Variants in LRRC4C observed in about 807,000 individuals in gnomAD.
The protein encoded by LRRC4C is leucine rich repeat containing 4C.
LRRC4C carries 5 observed loss-of-function variants against 33.6 expected under a neutral mutation model. That is an observed-to-expected ratio of 0.15 (90% CI 0.08 to 0.31). The LOEUF is 0.31. LRRC4C is among the 10% of genes least tolerant of loss of function. LRRC4C has a pLI of 1.00. For missense variants in LRRC4C, 560 were observed against 796.7 expected (o/e 0.70, Z 3.58); for synonymous variants, 329 against 302.0 (o/e 1.09, Z -0.93).
intron 2 of LRRC4C, among the ~76,000 whole-genome samples, chr11:40,714,110 C>T (rs1284120120): frequency 6.6e-6 from 1 of 152,068 alleles, no homozygotes; most frequent in Non-Finnish European, 1.5e-5. Context: ...AACAGCCAGC[C>T]CCACCTTGCC....
chr11:41,086,254 A>G lies in LRRC4C; in HGVS notation c.-495-152531T>C, dbSNP rs570818037. Among the ~76,000 whole-genome samples the G allele has an allele frequency of 9.9e-5, 15 of 152,268 alleles. No individual in the cohort carries two copies. In the South Asian group the frequency reaches 2.7e-3, roughly 27 times the overall value. On this transcript the variant is annotated intron_variant, in intron 1 of 6. Coordinates refer to ENST00000528697, the MANE Select transcript of LRRC4C (RefSeq NM_001258419.2). Reference sequence around the variant, plus strand: ...CATTATTTAAGTAAAAATCAAGGCTATTTGCTTGGGCTGAAATTATATCAC... The same window carrying G: ...CATTATTTAAGTAAAAATCAAGGCTGTTTGCTTGGGCTGAAATTATATCAC...
chr11:40,844,889 T>C (rs1953085281), intron 2 of LRRC4C, among the ~76,000 whole-genome samples: 1 of 152,180 alleles, frequency 6.6e-6, no homozygotes, highest in African/African-American at 2.4e-5. Context: ...TGATAATGTA[T>C]GTGTTAATTA....
chr11:40,955,996 A>G (rs1958938126), intron 1 of LRRC4C, among the ~76,000 whole-genome samples: 1 of 151,814 alleles, frequency 6.6e-6, no homozygotes. Context: ...TCAAGGTCAT[A>G]TTGACAGAGC....
intron 3 of LRRC4C, among the ~76,000 whole-genome samples, chr11:40,383,939 A>G (rs1949001457): frequency 6.8e-6 from 1 of 147,894 alleles, no homozygotes; most frequent in African/African-American, 2.5e-5. Context: ...TATTATTATT[A>G]TTATTATTAT....
chr11:40,413,296 G>A (rs565512248), intron 3 of LRRC4C, among the ~76,000 whole-genome samples: 1 of 152,108 alleles, frequency 6.6e-6, no homozygotes, highest in Admixed American at 6.6e-5. Context: ...GGCAATCAAA[G>A]GAAAGAGGAG....
chr11:40,783,832 G>A (rs1333487259), intron 2 of LRRC4C, among the ~76,000 whole-genome samples: 5 of 152,104 alleles, frequency 3.3e-5, no homozygotes, highest in African/African-American at 9.7e-5. Flanking sequence ...GATTTCATGT[G>A]CCTTGTAAAT....
At chr11:40,290,814 G>C (rs766925019) in intron 4 of LRRC4C, among the ~76,000 whole-genome samples, 17 of 152,120 alleles carry the variant, frequency 1.1e-4, no homozygotes, top group Non-Finnish European at 2.1e-4. Context: ...GAGAGAAAAT[G>C]AATGTTGGAG....
intron 1 of LRRC4C, among the ~76,000 whole-genome samples, chr11:41,198,149 G>A (rs1946259507): frequency 6.6e-6 from 1 of 151,846 alleles, no homozygotes; most frequent in Non-Finnish European, 1.5e-5. Context: ...TTTTTGCTAT[G>A]GATAAATCTA....
intron 1 of LRRC4C, among the ~76,000 whole-genome samples, chr11:41,319,653 C>A (rs1950897357): frequency 1.3e-5 from 2 of 152,148 alleles, no homozygotes; most frequent in African/African-American, 2.4e-5. Context: ...AGCAATCCTC[C>A]CACCTCCCAG....
intron 1 of LRRC4C, among the ~76,000 whole-genome samples, chr11:41,403,331 T>TGCAGAGGTAG (rs1233709506): frequency 6.6e-6 from 1 of 152,038 alleles, no homozygotes; most frequent in Non-Finnish European, 1.5e-5. Context: ...AACAAAAGCC[T>TGCAGAGGTAG]ACAGAGGTAG....
chr11:41,068,799 G>A (rs183810112), intron 1 of LRRC4C, among the ~76,000 whole-genome samples: 82 of 152,044 alleles, frequency 5.4e-4, no homozygotes, highest in African/African-American at 1.8e-3. Flanking sequence ...CAAAAAAAAT[G>A]CCCAGAACCA....
chr11:40,596,456 T>C (rs1005730877), intron 3 of LRRC4C, among the ~76,000 whole-genome samples: 3 of 140,868 alleles, frequency 2.1e-5, no homozygotes, highest in African/African-American at 8.1e-5. Context: ...TTTCAGGAAA[T>C]TTCTAATTCT....
At chr11:41,058,831 G>T (rs1858836026) in intron 1 of LRRC4C, among the ~76,000 whole-genome samples, 1 of 152,112 alleles carries the variant, frequency 6.6e-6, no homozygotes, top group Non-Finnish European at 1.5e-5. Flanking sequence ...TGGTAGACTG[G>T]ATAAAGAAAA....
intron 4 of LRRC4C, among the ~76,000 whole-genome samples, chr11:40,267,792 T>C (rs1418136850): frequency 6.6e-6 from 1 of 152,202 alleles, no homozygotes; most frequent in Non-Finnish European, 1.5e-5. Context: ...AGTGGGCCTG[T>C]AAGCTGAAAA....
chr11:40,770,339 T>A (rs1370164454), intron 2 of LRRC4C, among the ~76,000 whole-genome samples: 2 of 152,162 alleles, frequency 1.3e-5, no homozygotes, highest in Admixed American at 1.3e-4. Context: ...GAGAACTCAC[T>A]ATTGTAATAA....
intron 4 of LRRC4C, among the ~76,000 whole-genome samples, chr11:40,260,419 G>A (rs1187843704): frequency 2.1e-5 from 3 of 143,020 alleles, no homozygotes; most frequent in Non-Finnish European, 4.6e-5. Flanking sequence ...TAGGGGGAGG[G>A]GGGAGGGATA....
intron 5 of LRRC4C, among the ~76,000 whole-genome samples, 168 bp downstream of exon 5, chr11:40,241,351 C>T (rs1393146344): frequency 6.6e-6 from 1 of 152,110 alleles, no homozygotes. Flanking sequence ...CACTGCACTT[C>T]AGCCTTGGCA....
intron 1 of LRRC4C, among the ~76,000 whole-genome samples, chr11:41,250,067 G>A (rs1948590382): frequency 6.6e-6 from 1 of 152,096 alleles, no homozygotes; most frequent in Non-Finnish European, 1.5e-5. Flanking sequence ...TACTTGGGAG[G>A]CTGAGGTGGG....
chr11:40,221,236 C>T (rs1331592410), intron 5 of LRRC4C, among the ~76,000 whole-genome samples: 1 of 152,150 alleles, frequency 6.6e-6, no homozygotes, highest in African/African-American at 2.4e-5. Context: ...TAGTCCTTGG[C>T]ATTCACATGT....
Sources: gnomAD v4.1 joint callset for allele counts (sites outside exome capture counted in the v4.1 genomes callset) on GRCh38, gnomAD v4.1.1 for gene constraint, MANE v1.5 for transcripts, NCBI Gene and HGNC (gene_info 2026-07-23, HGNC 2026-07-21) for gene names.